Variants in NCKAP1 observed in about 807,000 individuals in gnomAD.
NCKAP1 encodes NCK associated protein 1, also known as nck-associated protein 1.
Under a neutral mutation model 151.2 loss-of-function variants are expected in NCKAP1, and 21 were observed. The observed-to-expected ratio is 0.14, with a 90% CI of 0.10 to 0.20. The LOEUF is 0.20. NCKAP1 is among the 10% of genes least tolerant of loss of function. The probability of loss-of-function intolerance (pLI) is 1.00; values close to 1 mark genes in which losing one functional copy is unlikely to be tolerated. For missense variants in NCKAP1, 933 were observed against 1,352.1 expected (o/e 0.69, Z 4.86); for synonymous variants, 484 against 451.8 (o/e 1.07, Z -0.90).
chr2:182,976,926 G>C lies in NCKAP1; in HGVS notation c.1449C>G (p.Phe483Leu). 6.5e-7 allele frequency: 1 copy of C among 1,533,984 alleles called. No individual in the cohort carries two copies. Among genetic ancestry groups the C allele is most frequent in the Non-Finnish European group, 8.8e-7 (1 of 1,136,736 alleles). The change falls in exon 15 of 31, where the codon TTC (phenylalanine) becomes TTG (leucine). Residue 483 changes from phenylalanine (F) to leucine (L), a missense_variant. Around this residue, in one of 2 missense-constraint regions of NCKAP1, gnomAD observed 607 missense variants for 795.0 expected, o/e 0.76. Coordinates refer to ENST00000361354, the MANE Select transcript of NCKAP1 (RefSeq NM_013436.5). ...KQVEDGEVFD[F>L]RGMRLDWFRL... Reference sequence around the variant, plus strand: ...TAAACCAATCTAATCTCATTCCTCTGAAATCAAATACTTCCCCATCTTCAA... The same window carrying C: ...TAAACCAATCTAATCTCATTCCTCTCAAATCAAATACTTCCCCATCTTCAA...
chr2:183,021,874 A>T (rs1698803740), intron 2 of NCKAP1, among the ~76,000 whole-genome samples: 1 of 152,178 alleles, frequency 6.6e-6, no homozygotes, highest in South Asian at 2.1e-4. Flanking sequence ...GTGGTACTGG[A>T]TGCACAACTC....
chr2:183,026,409 A>G, intron 1 of NCKAP1, among the ~76,000 whole-genome samples: 1 of 151,950 alleles, frequency 6.6e-6, no homozygotes, highest in East Asian at 1.9e-4. Flanking sequence ...CAGGAATTCA[A>G]GGCTACAGAG....
intron 15 of NCKAP1, among the ~76,000 whole-genome samples, chr2:182,974,061 T>C (rs906245491): frequency 2.0e-5 from 3 of 152,120 alleles, no homozygotes; most frequent in Admixed American, 1.3e-4. Flanking sequence ...CAGTATTTTA[T>C]CTTCTGTATC....
intron 8 of NCKAP1, among the ~76,000 whole-genome samples, chr2:182,992,191 C>G (rs1054585832): frequency 6.6e-6 from 1 of 152,160 alleles, no homozygotes; most frequent in Non-Finnish European, 1.5e-5. Flanking sequence ...AGTAGACTAC[C>G]TATTGAAGAA....
intron 1 of NCKAP1, among the ~76,000 whole-genome samples, chr2:183,032,998 G>A (rs541859306): frequency 6.6e-6 from 1 of 152,302 alleles, no homozygotes; most frequent in Non-Finnish European, 1.5e-5. Flanking sequence ...GCAGTGAGCT[G>A]AGATCGTGCC....
At chr2:183,019,202 C>T (rs1342641739) in intron 2 of NCKAP1, among the ~76,000 whole-genome samples, 1 of 152,074 alleles carries the variant, frequency 6.6e-6, no homozygotes, top group Non-Finnish European at 1.5e-5. Flanking sequence ...TTTATCATTT[C>T]CTCATTAATT....
At chr2:182,977,816 C>T (rs1371583837) in intron 14 of NCKAP1, among the ~76,000 whole-genome samples, 1 of 152,112 alleles carries the variant, frequency 6.6e-6, no homozygotes, top group Non-Finnish European at 1.5e-5. Context: ...CTTAACACTA[C>T]TGAACTATAC....
At chr2:182,929,001 T>A (rs1260253478) in intron 27 of NCKAP1, 102 bp from the exon 28 acceptor site, 2 of 530,372 alleles carry the variant, frequency 3.8e-6, no homozygotes, top group African/African-American at 2.0e-5. Context: ...AATGGTTTAC[T>A]TTTTTTTTTG....
At chr2:182,960,495 T>G (rs1249953783) in intron 18 of NCKAP1, among the ~76,000 whole-genome samples, 1 of 152,188 alleles carries the variant, frequency 6.6e-6, no homozygotes, top group Non-Finnish European at 1.5e-5. Flanking sequence ...GATTCCCTAT[T>G]TAATAAATGG....
chr2:182,983,226 G>C (rs1221262571), intron 11 of NCKAP1, 60 bp downstream of exon 11: 1 of 1,337,622 alleles, frequency 7.5e-7, no homozygotes, highest in Non-Finnish European at 1.0e-6. Context: ...ATTTCACTTA[G>C]AAACGTTTTT....
chr2:183,008,699 T>G (rs1698529636), intron 2 of NCKAP1, among the ~76,000 whole-genome samples: 1 of 152,216 alleles, frequency 6.6e-6, no homozygotes, highest in Non-Finnish European at 1.5e-5. Flanking sequence ...TTTTAAAATT[T>G]CATTGCTAGC....
Position 182,911,825 on chromosome 2 carries a change from T to C in NCKAP1, c.*13877A>G, listed in dbSNP as rs1229601455. The C allele has an allele frequency of 6.6e-6, 1 of 151,826 alleles. No homozygotes were observed. Among genetic ancestry groups the C allele is most frequent in the Non-Finnish European group, 1.5e-5 (1 of 67,994 alleles). 9.4% of individuals were successfully genotyped at this position (151,826 alleles called of 1,614,324 possible). Reference sequence around the variant, plus strand: ...TATAATTGCCTCAACAAATTCAAGATGGTTATACTTTTTAAAAAAGTTTTT... The same window carrying C: ...TATAATTGCCTCAACAAATTCAAGACGGTTATACTTTTTAAAAAAGTTTTT... On this transcript the variant is annotated 3_prime_UTR_variant, in exon 31 of 31. Transcript: ENST00000361354.
chr2:182,996,196 T>C (rs533874708), intron 6 of NCKAP1, among the ~76,000 whole-genome samples: 26 of 152,254 alleles, frequency 1.7e-4, no homozygotes, highest in Non-Finnish European at 3.5e-4. Context: ...TAGTTTCTGA[T>C]AGTTCCAAAA....
chr2:183,007,430 G>A (rs948570387), intron 2 of NCKAP1, among the ~76,000 whole-genome samples: 7 of 151,982 alleles, frequency 4.6e-5, no homozygotes, highest in African/African-American at 1.2e-4. Flanking sequence ...TATAAGTATC[G>A]AGAAAATTGA....
chr2:183,000,230 A>G (rs1004167477), intron 6 of NCKAP1, among the ~76,000 whole-genome samples: 6 of 152,222 alleles, frequency 3.9e-5, no homozygotes, highest in African/African-American at 1.4e-4. Flanking sequence ...GAAAAAAATC[A>G]AGATTGGAAA....
chr2:182,945,655 C>A (rs1052911923), intron 23 of NCKAP1, among the ~76,000 whole-genome samples: 4 of 152,202 alleles, frequency 2.6e-5, no homozygotes, highest in African/African-American at 9.6e-5. Flanking sequence ...AATGCTCAAA[C>A]ATGCTGGTGA....
chr2:183,024,592 TG>T (rs1698854268), intron 1 of NCKAP1, among the ~76,000 whole-genome samples: 1 of 152,200 alleles, frequency 6.6e-6, no homozygotes. Context: ...TGCAGTAAAC[TG>T]TAAGGCACTA....
In NCKAP1 at chr2:182,918,233, T is replaced by C. The variant is rs964332187; in HGVS notation, c.*7469A>G. ...ATATGAAAATGTCTAGTATCAAGAG[T>C]AGCATAATGTAAGCCCTCATTGTTA... On this transcript the variant is annotated 3_prime_UTR_variant, in exon 31 of 31. Transcript: ENST00000361354. 6 of 152,136 alleles carry C rather than the reference T, an allele frequency of 3.9e-5. No individual in the cohort carries two copies. The highest frequency in any genetic ancestry group is 2.1e-4 in the South Asian group (1 of 4,830). The allele number at this position is 152,136 out of a possible 1,614,324, so 9.4% of individuals were successfully genotyped here. A position where few individuals can be genotyped will look rare whatever the true frequency, so the allele number is the denominator to read the frequency against.
chr2:182,983,984 T>C lies in NCKAP1; in HGVS notation c.1005-602A>G, dbSNP rs571622574. 3.3e-5 allele frequency among the ~76,000 whole-genome samples: 5 copies of C among 150,382 alleles called. No individual in the cohort carries two copies. The South Asian group carries it at 1.0e-3, about 32-fold the overall frequency. ...AGGCAGAGGTTGCAGTGAGCTGAGA[T>C]CATGCCACTGCACTCCAGCCTGGGT... is the stretch of plus-strand genomic sequence containing the variant. On this transcript the variant is annotated intron_variant, in intron 10 of 30. Coordinates refer to ENST00000361354, the MANE Select transcript of NCKAP1 (RefSeq NM_013436.5).
Sources: allele counts gnomAD v4.1 joint callset (sites outside exome capture counted in the v4.1 genomes callset), GRCh38; gene constraint gnomAD v4.1.1; regional missense constraint gnomAD v4.1.1; transcripts MANE v1.5; gene names NCBI Gene and HGNC (gene_info 2026-07-23, HGNC 2026-07-21).